The following TANC1 variants were observed in gnomAD, a reference collection of about 807,000 sequenced individuals.
TANC1 encodes protein TANC1.
In TANC1, 77 loss-of-function variants were observed where a neutral mutation model predicts 149.7. The observed-to-expected ratio is 0.51, with a 90% CI of 0.43 to 0.62. TANC1 has a LOEUF of 0.62. TANC1 is among the 20% of genes least tolerant of loss of function. The probability of loss-of-function intolerance (pLI) is 0.00; values close to 1 mark genes in which losing one functional copy is unlikely to be tolerated. For synonymous variants in TANC1, 854 were observed against 925.0 expected (o/e 0.92, Z 1.39); for missense variants, 1,985 against 2,321.8 (o/e 0.85, Z 2.98).
chr2:159,229,205 G>T (rs886991348), intron 26 of TANC1, among the ~76,000 whole-genome samples: 2 of 152,112 alleles, frequency 1.3e-5, no homozygotes, highest in Admixed American at 6.5e-5. Context: ...GCCAACTAGG[G>T]ACATTAGGAA....
At position 159,097,931 on chromosome 2, in the gene TANC1, G is replaced by A. The variant is rs2046299306; in HGVS notation, c.259+97G>A. On this transcript the variant is annotated intron_variant, in intron 4 of 26. Transcript: ENST00000263635. Reference sequence around the variant, plus strand: ...CCCATGAGAAATCTTCTGGGACAATGTTTTTTCTTTGTCGCAGTATCTTCT... The same window carrying A: ...CCCATGAGAAATCTTCTGGGACAATATTTTTTCTTTGTCGCAGTATCTTCT... 7 of 1,029,708 alleles carry A rather than the reference G, an allele frequency of 6.8e-6. No homozygotes were observed. In the South Asian group the frequency reaches 8.5e-5, roughly 12 times the overall value. 63.8% of individuals were successfully genotyped at this position (1,029,708 alleles called of 1,614,324 possible).
At chr2:159,218,867 G>A (rs77696756) in intron 20 of TANC1, among the ~76,000 whole-genome samples, 3,123 of 152,204 alleles carry the variant, frequency 0.021, 47 homozygotes, top group Non-Finnish European at 0.029. Context: ...TTCAGTGCCC[G>A]TGGGGGACCC....
chr2:159,169,293 G>A lies in TANC1; in HGVS notation c.990G>A (p.Gly330=). The A allele has an allele frequency of 1.2e-6, 2 of 1,613,658 alleles. No individual in the cohort carries two copies. Among genetic ancestry groups the A allele is most frequent in the Non-Finnish European group, 1.7e-6 (2 of 1,179,618 alleles). The change falls in exon 9 of 27, where the codon GGG becomes GGA. Residue 330 remains glycine (G), a synonymous_variant. Coordinates refer to ENST00000263635, the MANE Select transcript of TANC1 (RefSeq NM_033394.3). ...TKLEDLSYLD[G]QRNAPLRTSI... ...TGGAAGATCTGAGTTATTTAGACGG[G>A]CAGAGAAATGCTCCTCTACGGACGT...
chr2:159,133,238 A>G (rs1250291956), intron 4 of TANC1, among the ~76,000 whole-genome samples: 3 of 152,204 alleles, frequency 2.0e-5, no homozygotes, highest in Non-Finnish European at 4.4e-5. Context: ...AGGTCCTTCA[A>G]ATGGATGAGG....
intron 7 of TANC1, among the ~76,000 whole-genome samples, chr2:159,158,853 TTG>T (rs1354480417): frequency 6.6e-6 from 1 of 152,214 alleles, no homozygotes; most frequent in African/African-American, 2.4e-5. Context: ...GCATACCTCC[TTG>T]TGGACCCCCT....
chr2:158,991,111 A>G (rs994874581), intron 1 of TANC1, among the ~76,000 whole-genome samples: 4 of 150,848 alleles, frequency 2.7e-5, no homozygotes, highest in Non-Finnish European at 4.4e-5. Flanking sequence ...AAAAAAAAAA[A>G]AAAAGTAGAA....
At chr2:159,118,968 T>C (rs1303518408) in intron 4 of TANC1, among the ~76,000 whole-genome samples, 2 of 152,194 alleles carry the variant, frequency 1.3e-5, no homozygotes, top group African/African-American at 4.8e-5. Flanking sequence ...AAGTAAAAAA[T>C]CTCTGTAGTT....
Position 159,087,466 on chromosome 2 carries a change from C to T in TANC1, c.62-10171C>T, listed in dbSNP as rs563594925. Among the ~76,000 whole-genome samples, 214 of 29,322 alleles carry T rather than the reference C, an allele frequency of 7.3e-3. 1 individual carries two copies. Among genetic ancestry groups the T allele is most frequent in the African/African-American group, 0.024 (205 of 8,560 alleles). 19.2% of individuals were successfully genotyped at this position (29,322 alleles called of 152,430 possible). A position where few individuals can be genotyped will look rare whatever the true frequency, so the allele number is the denominator to read the frequency against. On this transcript the variant is annotated intron_variant, in intron 3 of 26. Transcript: ENST00000263635. ...GTAGATGTTGCTTTTTTTGTTTTTC[C>T]GTTTTTTTTTTTTTTTGTCGTTGTT...
chr2:158,972,511 G>C (rs2033045428), intron 1 of TANC1, among the ~76,000 whole-genome samples: 1 of 152,178 alleles, frequency 6.6e-6, no homozygotes, highest in Non-Finnish European at 1.5e-5. Flanking sequence ...GCTTTGTCCT[G>C]CTTGCCTAGT....
chr2:159,086,794 C>A (rs941627815), intron 3 of TANC1, among the ~76,000 whole-genome samples: 1 of 152,154 alleles, frequency 6.6e-6, no homozygotes, highest in Non-Finnish European at 1.5e-5. Context: ...TTACTGACTG[C>A]CTTCGAACTT....
At chr2:159,113,438 C>A (rs545834992) in intron 4 of TANC1, among the ~76,000 whole-genome samples, 1 of 152,130 alleles carries the variant, frequency 6.6e-6, no homozygotes, top group Admixed American at 6.6e-5. Context: ...TAGTTGGTTT[C>A]CTCATTGAGA....
At chr2:159,030,717 G>T (rs1232378104) in intron 2 of TANC1, among the ~76,000 whole-genome samples, 3 of 152,164 alleles carry the variant, frequency 2.0e-5, no homozygotes. Context: ...TTTGTTGTTG[G>T]GGTTTTGTTT....
At chr2:159,033,721 G>A (rs143924162) in intron 2 of TANC1, among the ~76,000 whole-genome samples, 182 of 152,246 alleles carry the variant, frequency 1.2e-3, no homozygotes, top group African/African-American at 3.9e-3. Flanking sequence ...AGATGGAGCC[G>A]GTGTTCCCGC....
intron 4 of TANC1, among the ~76,000 whole-genome samples, chr2:159,134,538 A>G (rs1029568141): frequency 1.3e-5 from 2 of 152,272 alleles, no homozygotes; most frequent in Admixed American, 1.3e-4. Flanking sequence ...GCTAGAGTGC[A>G]GTGGCGTGAT....
intron 2 of TANC1, chr2:159,004,112 A>C (rs528582182): frequency 2.5e-6 from 4 of 1,611,812 alleles, no homozygotes; most frequent in South Asian, 2.2e-5. Flanking sequence ...CTGGTCATGC[A>C]GAAGCCAAAC....
chr2:159,214,536 C>T (rs931814426), intron 19 of TANC1, among the ~76,000 whole-genome samples: 5 of 152,250 alleles, frequency 3.3e-5, no homozygotes, highest in Admixed American at 6.5e-5. Context: ...ACTGACTTCT[C>T]ATGAGGACCT....
At chr2:159,202,306 A>G (rs2058303603) in intron 19 of TANC1, among the ~76,000 whole-genome samples, 4 of 152,190 alleles carry the variant, frequency 2.6e-5, no homozygotes, top group Admixed American at 2.6e-4. Flanking sequence ...GTTGAAGGAG[A>G]CAAGAAAATG....
intron 22 of TANC1, among the ~76,000 whole-genome samples, chr2:159,223,685 CTT>C (rs1351131639): frequency 6.6e-6 from 1 of 152,182 alleles, no homozygotes; most frequent in Non-Finnish European, 1.5e-5. Flanking sequence ...TCAAATCAGT[CTT>C]TGTACCGTGG....
chr2:159,191,996 C>G (rs182541211), intron 16 of TANC1, among the ~76,000 whole-genome samples: 69 of 151,978 alleles, frequency 4.5e-4, no homozygotes, highest in Non-Finnish European at 4.9e-4. Context: ...AAAGGAGCAT[C>G]ATTTGTATCT....
Sources: allele counts gnomAD v4.1 joint callset (sites outside exome capture counted in the v4.1 genomes callset), GRCh38; gene constraint gnomAD v4.1.1; transcripts MANE v1.5; gene names NCBI Gene and HGNC (gene_info 2026-07-23, HGNC 2026-07-21).